The following SPRY4 variants were observed in gnomAD, a reference collection of about 807,000 sequenced individuals.
The protein encoded by SPRY4 is sprouty RTK signaling antagonist 4.
In SPRY4, 7 loss-of-function variants were observed where a neutral mutation model predicts 17.0. The observed-to-expected ratio is 0.41, with a 90% confidence interval of 0.23 to 0.77. The LOEUF is 0.77. SPRY4 is among the 30% of genes least tolerant of loss of function. The pLI is 0.32. For synonymous variants in SPRY4, 183 were observed against 174.1 expected (o/e 1.05, Z -0.40); for missense variants, 435 against 419.9 (o/e 1.04, Z -0.31).
At chr5:142,318,441 G>A (rs919969220) in intron 1 of SPRY4, among the ~76,000 whole-genome samples, 5 of 150,844 alleles carry the variant, frequency 3.3e-5, no homozygotes, top group African/African-American at 1.2e-4. Context: ...AGCCAATATC[G>A]CACCACTGCA....
Position 142,315,037 on chromosome 5 carries a change from G to C in SPRY4, c.72C>G (p.Ser24Arg). The change falls in exon 2 of 2, where the codon AGC (serine) becomes AGG (arginine). Residue 24 changes from serine (S) to arginine (R), a missense_variant. By Grantham distance (110) the Ser-to-Arg change is moderately radical (BLOSUM62 -1). Coordinates refer to ENST00000434127, the MANE Select transcript of SPRY4 (RefSeq NM_001127496.3). ...NSVMVQPLLDSRMSHSRLQHP... is the reference protein window; with the variant it reads ...NSVMVQPLLDRRMSHSRLQHP... Reference sequence around the variant, plus strand: ...GCTGGAGCCGGCTGTGGGACATCCGGCTGTCAAGAAGGGGCTGGACCATGA... The same window carrying C: ...GCTGGAGCCGGCTGTGGGACATCCGCCTGTCAAGAAGGGGCTGGACCATGA... 6.2e-7 allele frequency: 1 copy of C among 1,613,730 alleles called. No individual in the cohort carries two copies.
In SPRY4 at chr5:142,310,699, T is replaced by G. The variant is rs1285864095; in HGVS notation, c.*3510A>C. 2.0e-5 allele frequency: 3 copies of G among 152,174 alleles called. No individual in the cohort carries two copies. Among genetic ancestry groups the G allele is most frequent in the Non-Finnish European group, 1.5e-5 (1 of 68,006 alleles). The allele number at this position is 152,174 out of a possible 1,614,324, so 9.4% of individuals were successfully genotyped here. On this transcript the variant is annotated 3_prime_UTR_variant, in exon 2 of 2. Transcript: ENST00000434127. ...TGGGAGCCTCGAGCTTTTCTGTTTG[T>G]AACATGAAACCAAGCTGTGGGACAG...
rs1461886836 is a variant in SPRY4, at chr5:142,314,782, T to C, written c.327A>G (p.Gln109=). ...GTGGTGCCATGTGGTCTAAGAGCCGTTGGTCAGAGGATGTGCTGCTGCTGC... is the reference window on the plus strand; with the variant it reads ...GTGGTGCCATGTGGTCTAAGAGCCGCTGGTCAGAGGATGTGCTGCTGCTGC... ...VSSSSSTSSD[Q]RLLDHMAPPP... is the part of the protein sequence containing the mutation. The change falls in exon 2 of 2, where the codon CAA becomes CAG. Residue 109 remains glutamine, a synonymous_variant. Transcript: ENST00000434127. The surrounding 1 kb of genome is among the most constrained non-coding windows in gnomAD (Gnocchi z 4.8). 1.9e-6 allele frequency: 3 copies of C among 1,599,866 alleles called. No individual in the cohort carries two copies. Among genetic ancestry groups the C allele is most frequent in the Non-Finnish European group, 2.6e-6 (3 of 1,169,802 alleles).
At chr5:142,324,237 A>C (rs758615464) in intron 1 of SPRY4, 3 of 152,382 alleles carry the variant, frequency 2.0e-5, no homozygotes, top group Non-Finnish European at 4.4e-5. Flanking sequence ...AAGGAGAGGG[A>C]GTAGGAATGC....
chr5:142,314,709 TG>T lies in SPRY4; in HGVS notation c.399del (p.Lys134ArgfsTer125). The T allele has an allele frequency of 6.2e-7, 1 of 1,613,764 alleles. No homozygotes were observed. Among genetic ancestry groups the T allele is most frequent in the Non-Finnish European group, 8.5e-7 (1 of 1,179,742 alleles). On this transcript the variant is annotated frameshift_variant, in exon 2 of 2. Transcript: ENST00000434127. LOFTEE classifies it high-confidence loss of function. The surrounding 1 kb of genome is among the most constrained non-coding windows in gnomAD (Gnocchi z 4.8). ...TCCAGCGGCTGGCAGTGGACCACCT[TG>T]GGCTGGATGCGCACAGCCCTTGGTG... ...QASPRAVRIQ[P>X]KVVHCQPLDL...
chr5:142,314,820 T>C lies in SPRY4; in HGVS notation c.289A>G (p.Ser97Gly). Residue 97 changes from serine to glycine, a missense_variant, in exon 2 of 2, where the codon AGC becomes GGC. Physicochemically the swap from Ser to Gly is moderately conservative, Grantham distance 56. Coordinates refer to ENST00000434127, the MANE Select transcript of SPRY4 (RefSeq NM_001127496.3). This position sits in a 1 kb window ranked among gnomAD's most constrained non-coding sequence, Gnocchi z 4.8. ...HHWISFSGRP[S>G]SVSSSSSTSS... The stretch of plus-strand genomic sequence containing the variant: ...GTGCTGCTGCTGCTGCTCACAGAGC[T>C]GGGGCGCCCGCTGAAGGAGATCCAA... 1 of 1,589,418 alleles carries C rather than the reference T, an allele frequency of 6.3e-7. No homozygotes were observed. The highest frequency in any genetic ancestry group is 8.6e-7 in the Non-Finnish European group (1 of 1,164,582).
chr5:142,318,314 C>CAGGATGAA (rs1343401001), intron 1 of SPRY4: 1 of 330,738 alleles, frequency 3.0e-6, no homozygotes, highest in East Asian at 1.7e-4. Flanking sequence ...ATGAAACCCC[C>CAGGATGAA]ATCTCTACTA....
intron 1 of SPRY4, chr5:142,317,586 A>C (rs1423650926): frequency 2.7e-5 from 27 of 985,158 alleles, no homozygotes; most frequent in Non-Finnish European, 3.3e-5. Context: ...CTGTGGAAGA[A>C]AGTAAAAGAC....
Position 142,314,882 on chromosome 5 carries a change from G to T in SPRY4, c.227C>A (p.Pro76Gln). Reference sequence around the variant, plus strand: ...ATCCTGGTCACAGCGGGCGGGCGTCGGGGCCAGCTCTGGGGCCCCGCCCCG... The same window carrying T: ...ATCCTGGTCACAGCGGGCGGGCGTCTGGGCCAGCTCTGGGGCCCCGCCCCG... The part of the protein sequence containing the change: ...RTRGGAPELA[P>Q]TPARCDQDVT... Residue 76 changes from proline (P) to glutamine (Q), a missense_variant, in exon 2 of 2, where the codon CCG (proline) becomes CAG (glutamine). Physicochemically the swap from Pro to Gln is moderately conservative, Grantham distance 76. Coordinates refer to ENST00000434127, the MANE Select transcript of SPRY4 (RefSeq NM_001127496.3). The surrounding 1 kb of genome is among the most constrained non-coding windows in gnomAD (Gnocchi z 4.8). 1 of 1,600,238 alleles carries T rather than the reference G, an allele frequency of 6.2e-7. No individual in the cohort carries two copies. The highest frequency in any genetic ancestry group is 8.5e-7 in the Non-Finnish European group (1 of 1,171,118).
Position 142,325,005 on chromosome 5 carries a change from C to T in SPRY4, c.-209G>A, listed in dbSNP as rs1407515858. On this transcript the variant is annotated 5_prime_UTR_variant, in exon 1 of 2. Transcript: ENST00000434127. ...CCGCGCTGTCAGCTCAGCTCGCTACCTCCGCGGCGATGTTGCAACCACTGC... is the reference window on the plus strand; with the variant it reads ...CCGCGCTGTCAGCTCAGCTCGCTACTTCCGCGGCGATGTTGCAACCACTGC... 1 of 152,686 alleles carries T rather than the reference C, an allele frequency of 6.5e-6. No individual in the cohort carries two copies. Among genetic ancestry groups the T allele is most frequent in the East Asian group, 1.9e-4 (1 of 5,186 alleles). 9.5% of individuals were successfully genotyped at this position (152,686 alleles called of 1,614,324 possible). A position where few individuals can be genotyped will look rare whatever the true frequency, so the allele number is the denominator to read the frequency against.
At chr5:142,315,760 T>C (rs1759128705) in intron 1 of SPRY4, 1 of 152,458 alleles carries the variant, frequency 6.6e-6, no homozygotes, top group African/African-American at 2.4e-5. Flanking sequence ...GAAAATACTA[T>C]CTATTACCTA....
Position 142,315,103 on chromosome 5 carries a change from C to A in SPRY4, c.6G>T (p.Glu2Asp). ...AGGGGGCGCTCTGTGGGATCGGGGG[C>A]TCCATGGGGCTGGAGGTCCTGGACT... M[E>D]PPIPQSAPLT... Residue 2 changes from glutamate to aspartate, a missense_variant, in exon 2 of 2, where the codon GAG becomes GAT. Glu to Asp is a conservative substitution (Grantham distance 45). Transcript: ENST00000434127. 6.2e-7 allele frequency: 1 copy of A among 1,609,398 alleles called. No individual in the cohort carries two copies.
rs1451948046 is a variant in SPRY4, at chr5:142,311,942, G to GTGTGTGTC, written c.*2266_*2267insGACACACA. On this transcript the variant is annotated 3_prime_UTR_variant, in exon 2 of 2. Coordinates refer to ENST00000434127, the MANE Select transcript of SPRY4 (RefSeq NM_001127496.3). ...CAGTCAGTGTGGGGTAGGGGTGTGT[G>GTGTGTGTC]TGTGTGTGTGTGTGTGTGTATACAC... is the stretch of plus-strand genomic sequence containing the variant. 7.9e-5 allele frequency: 12 copies of GTGTGTGTC among 151,646 alleles called. No homozygotes were observed. The highest frequency in any genetic ancestry group is 6.0e-4 in the Admixed American group (9 of 15,100). 9.4% of individuals were successfully genotyped at this position (151,646 alleles called of 1,614,324 possible). A position where few individuals can be genotyped will look rare whatever the true frequency, so the allele number is the denominator to read the frequency against.
intron 1 of SPRY4, among the ~76,000 whole-genome samples, chr5:142,322,847 G>A (rs1176640835): frequency 6.6e-6 from 1 of 152,214 alleles, no homozygotes. Context: ...TGTGTGTGCT[G>A]TTCACCACAT....
intron 1 of SPRY4, chr5:142,317,291 T>C (rs1561651134): frequency 4.1e-6 from 4 of 985,294 alleles, no homozygotes; most frequent in Non-Finnish European, 3.6e-6. Context: ...ATAAATGAGT[T>C]TGGGGCAAGA....
At position 142,313,697 on chromosome 5, in the gene SPRY4, G is replaced by A. The variant is rs1266025508; in HGVS notation, c.*512C>T. 6.3e-6 allele frequency: 1 copy of A among 158,238 alleles called. No homozygotes were observed. The highest frequency in any genetic ancestry group is 1.4e-5 in the Non-Finnish European group (1 of 71,416). The allele number at this position is 158,238 out of a possible 1,614,324, so 9.8% of individuals were successfully genotyped here. On this transcript the variant is annotated 3_prime_UTR_variant, in exon 2 of 2. Transcript: ENST00000434127. ...CATCAGGGACAAAGTGGGGTGGAGT[G>A]AGATGGGGAAGGAGAAGAAGGTATA... is the stretch of plus-strand genomic sequence containing the variant.
intron 1 of SPRY4, among the ~76,000 whole-genome samples, 190 bp downstream of exon 1, chr5:142,324,654 G>A (rs1759471016): frequency 6.6e-6 from 1 of 152,192 alleles, no homozygotes; most frequent in Admixed American, 6.5e-5. Context: ...CACCCCCGGC[G>A]CCGTGCCGGC....
At chr5:142,317,616 T>G (rs1227701179) in intron 1 of SPRY4, 71 of 984,276 alleles carry the variant, frequency 7.2e-5, no homozygotes, top group Non-Finnish European at 8.3e-5. Context: ...TTAAGCAGAT[T>G]CACTTTTTTT....
chr5:142,313,258 G>A lies in SPRY4; in HGVS notation c.*951C>T, dbSNP rs757170378. The A allele has an allele frequency of 1.3e-5, 2 of 152,590 alleles. No homozygotes were observed. The highest frequency in any genetic ancestry group is 2.9e-5 in the Non-Finnish European group (2 of 68,042). The allele number at this position is 152,590 out of a possible 1,614,324, so 9.5% of individuals were successfully genotyped here. On this transcript the variant is annotated 3_prime_UTR_variant, in exon 2 of 2. Transcript: ENST00000434127. ...TTTTATTATTATTTTTTAAAACACC[G>A]TTAGCATCCGGTTTAATTATTCTAT...
Sources: allele counts gnomAD v4.1 joint callset (sites outside exome capture counted in the v4.1 genomes callset), GRCh38; gene constraint gnomAD v4.1.1; non-coding constraint Gnocchi (gnomAD v3.1); transcripts MANE v1.5; gene names NCBI Gene and HGNC (gene_info 2026-07-23, HGNC 2026-07-21).